The following NPAS3 variants were observed in gnomAD, a reference collection of about 807,000 sequenced individuals.
NPAS3 encodes neuronal PAS domain-containing protein 3.
Under a neutral mutation model 73.1 loss-of-function variants are expected in NPAS3, and 14 were observed. The ratio of observed to expected loss-of-function variants is 0.19; its 90% CI spans 0.13 to 0.30. NPAS3 has a LOEUF of 0.30. NPAS3 is among the 10% of genes least tolerant of loss of function. The pLI is 1.00. For missense variants in NPAS3, 1,096 were observed against 1,250.0 expected (o/e 0.88, Z 1.86); for synonymous variants, 620 against 541.5 (o/e 1.14, Z -2.01).
intron 4 of NPAS3, among the ~76,000 whole-genome samples, chr14:33,392,293 G>A (rs1049657250): frequency 6.6e-6 from 1 of 152,040 alleles, no homozygotes; most frequent in Non-Finnish European, 1.5e-5. Context: ...TATTTATTGA[G>A]CATTTATCAC....
intron 4 of NPAS3, among the ~76,000 whole-genome samples, chr14:33,551,495 AG>A (rs913534577): frequency 1.5e-4 from 23 of 152,306 alleles, no homozygotes; most frequent in African/African-American, 5.5e-4. Flanking sequence ...CAGGTAAGTG[AG>A]GCTGTACTTT....
At chr14:33,490,172 A>G (rs2051822949) in intron 4 of NPAS3, among the ~76,000 whole-genome samples, 3 of 152,150 alleles carry the variant, frequency 2.0e-5, no homozygotes, top group African/African-American at 2.4e-5. Context: ...CTTACCCTGT[A>G]TTCGTTTCAT....
chr14:33,400,464 A>G (rs868493987), intron 4 of NPAS3, among the ~76,000 whole-genome samples: 16 of 152,282 alleles, frequency 1.1e-4, no homozygotes, highest in Non-Finnish European at 1.6e-4. Flanking sequence ...TTTCTTTAAA[A>G]TCTCAATTCT....
intron 2 of NPAS3, among the ~76,000 whole-genome samples, chr14:33,120,665 T>C (rs1223812744): frequency 6.6e-6 from 1 of 152,088 alleles, no homozygotes; most frequent in Non-Finnish European, 1.5e-5. Flanking sequence ...TTATTAGAAA[T>C]GTATAATCTC....
rs1262181026 is a variant in NPAS3, at chr14:33,252,063, G to C, written c.385+36637G>C. Among the ~76,000 whole-genome samples the C allele has an allele frequency of 2.2e-5, 3 of 138,114 alleles. No homozygotes were observed. The South Asian group carries it at 6.9e-4, about 32-fold the overall frequency. 90.6% of individuals were successfully genotyped at this position (138,114 alleles called of 152,430 possible). ...TGTTTGCGTGTGTGTGTGTCTGTGTGTGTGTGTGTGTGTGTGTGTGTGTGT... is the reference window on the plus strand; with the variant it reads ...TGTTTGCGTGTGTGTGTGTCTGTGTCTGTGTGTGTGTGTGTGTGTGTGTGT... On this transcript the variant is annotated intron_variant, in intron 3 of 11. Coordinates refer to ENST00000356141, the Ensembl canonical transcript of NPAS3.
chr14:33,632,186 T>C (rs2058396297), intron 5 of NPAS3, among the ~76,000 whole-genome samples: 1 of 152,202 alleles, frequency 6.6e-6, no homozygotes, highest in Non-Finnish European at 1.5e-5. Context: ...TTCTAGGTGT[T>C]GACCAAGTCC....
At chr14:33,435,841 A>G (rs1190250123) in intron 4 of NPAS3, among the ~76,000 whole-genome samples, 1 of 152,136 alleles carries the variant, frequency 6.6e-6, no homozygotes, top group Non-Finnish European at 1.5e-5. Context: ...GATCATCTTC[A>G]TCATCATCAT....
At chr14:33,632,760 C>T (rs2058416660) in intron 5 of NPAS3, among the ~76,000 whole-genome samples, 1 of 152,202 alleles carries the variant, frequency 6.6e-6, no homozygotes, top group South Asian at 2.1e-4. Flanking sequence ...CCAACTCATA[C>T]TGGAGAGTAT....
intron 5 of NPAS3, among the ~76,000 whole-genome samples, chr14:33,569,825 A>G (rs1215110334): frequency 6.6e-6 from 1 of 152,186 alleles, no homozygotes; most frequent in African/African-American, 2.4e-5. Context: ...AAACGTTTGT[A>G]CTAAACGTTC....
At chr14:33,678,606 G>T (rs1023243797) in intron 6 of NPAS3, among the ~76,000 whole-genome samples, 2 of 152,150 alleles carry the variant, frequency 1.3e-5, no homozygotes, top group African/African-American at 4.8e-5. Flanking sequence ...CAAAGCAGAG[G>T]AACTGTCACC....
At chr14:33,403,565 G>T (rs1364015276) in intron 4 of NPAS3, among the ~76,000 whole-genome samples, 1 of 152,076 alleles carries the variant, frequency 6.6e-6, no homozygotes, top group East Asian at 1.9e-4. Context: ...TGTGGGGTTG[G>T]TCATTTGAAT....
At chr14:33,359,108 GGAGA>G (rs1384685822) in intron 3 of NPAS3, among the ~76,000 whole-genome samples, 2 of 152,134 alleles carry the variant, frequency 1.3e-5, no homozygotes, top group African/African-American at 4.8e-5. Flanking sequence ...CAAAAGCTAA[GGAGA>G]GAGAGACAGT....
At chr14:33,469,077 T>A (rs2050662805) in intron 4 of NPAS3, among the ~76,000 whole-genome samples, 1 of 152,198 alleles carries the variant, frequency 6.6e-6, no homozygotes, top group African/African-American at 2.4e-5. Context: ...TTATTACTGA[T>A]GTTATCCTTT....
chr14:33,197,073 C>T (rs917556908), intron 2 of NPAS3, among the ~76,000 whole-genome samples: 15 of 152,152 alleles, frequency 9.9e-5, no homozygotes, highest in Non-Finnish European at 1.9e-4. Flanking sequence ...GTGACATGAG[C>T]AAATCACTTG....
intron 3 of NPAS3, among the ~76,000 whole-genome samples, chr14:33,268,652 C>G (rs2040930687): frequency 6.6e-6 from 1 of 152,168 alleles, no homozygotes; most frequent in Non-Finnish European, 1.5e-5. Context: ...TTACTGAACA[C>G]TGTGAGAAAG....
chr14:33,078,435 G>A (rs181754901), intron 2 of NPAS3, among the ~76,000 whole-genome samples: 2 of 151,892 alleles, frequency 1.3e-5, no homozygotes, highest in Admixed American at 6.5e-5. Flanking sequence ...TCCTCCCCTG[G>A]AGAGGTGCCT....
intron 3 of NPAS3, among the ~76,000 whole-genome samples, chr14:33,229,860 C>A (rs138564329): frequency 1.3e-5 from 2 of 152,288 alleles, no homozygotes; most frequent in African/African-American, 4.8e-5. Context: ...TATTTTTAAG[C>A]AGAGCAGCAT....
At chr14:33,710,634 T>C (rs143031215) in intron 6 of NPAS3, among the ~76,000 whole-genome samples, 2,535 of 152,156 alleles carry the variant, frequency 0.017, 55 homozygotes, top group African/African-American at 0.058. Context: ...GGGAGACACA[T>C]CCAGACAGTG....
In NPAS3 at chr14:33,517,991, G is replaced by A. The variant is rs975565966; in HGVS notation, c.469-42130G>A. 3.9e-5 allele frequency among the ~76,000 whole-genome samples: 6 copies of A among 151,984 alleles called. No individual in the cohort carries two copies. In the East Asian group the frequency reaches 5.8e-4, roughly 15 times the overall value. ...CTCCTGCCAGACCCAAGCAGCTTCC[G>A]AACATCCACCACGTACCAGAGACTA... On this transcript the variant is annotated intron_variant, in intron 4 of 11. Transcript: ENST00000356141.
Sources: allele counts gnomAD v4.1 joint callset (sites outside exome capture counted in the v4.1 genomes callset), GRCh38; gene constraint gnomAD v4.1.1; transcripts MANE v1.5; gene names NCBI Gene and HGNC (gene_info 2026-07-23, HGNC 2026-07-21).